The following KIAA1755 variants were observed in gnomAD, a reference collection of about 807,000 sequenced individuals.
The protein encoded by KIAA1755 is KIAA1755, also known as uncharacterized protein KIAA1755.
Under a neutral mutation model 91.7 loss-of-function variants are expected in KIAA1755, and 68 were observed. The observed-to-expected ratio is 0.74, with a 90% CI of 0.61 to 0.91. The LOEUF is 0.91. Among genes scored for constraint, KIAA1755 ranks in the 40% least tolerant of loss-of-function variants. The probability of loss-of-function intolerance (pLI) is 0.00; values close to 1 mark genes in which losing one functional copy is unlikely to be tolerated. For synonymous variants in KIAA1755, 610 were observed against 604.6 expected, an observed-to-expected ratio of 1.01 and a Z score of -0.13; for missense variants, 1,535 against 1,494.4, an observed-to-expected ratio of 1.03 and a Z score of -0.45.
intron 1 of KIAA1755, among the ~76,000 whole-genome samples, chr20:38,259,418 G>C (rs907597296): frequency 2.6e-5 from 4 of 151,764 alleles, no homozygotes; most frequent in African/African-American, 9.7e-5. Context: ...GTGTGAGTCA[G>C]TGGGAGCATT....
intron 4 of KIAA1755, among the ~76,000 whole-genome samples, chr20:38,239,325 A>C (rs543257184): frequency 1.3e-5 from 2 of 152,248 alleles, no homozygotes; most frequent in Non-Finnish European, 2.9e-5. Context: ...AGACAGATAG[A>C]TGGGTGGATG....
intron 13 of KIAA1755, among the ~76,000 whole-genome samples, chr20:38,215,077 G>A (rs999006125): frequency 3.9e-5 from 6 of 152,224 alleles, no homozygotes; most frequent in Non-Finnish European, 7.3e-5. Context: ...CAGGGGCTGA[G>A]CCTGGTGCTG....
rs552446819 is a variant in KIAA1755 at position 38,223,232 on chromosome 20, A to G, written c.2268+306T>C. ...CCTCCTCCCTCCCTCATTATTCCCAATCTTACTTCCACAGGACTTGACACA... is the reference window on the plus strand; with the variant it reads ...CCTCCTCCCTCCCTCATTATTCCCAGTCTTACTTCCACAGGACTTGACACA... On this transcript the variant is annotated intron_variant, in intron 9 of 13. Coordinates refer to ENST00000279024, the MANE Select transcript of KIAA1755 (RefSeq NM_001029864.2). 3.3e-5 allele frequency: 7 copies of G among 212,640 alleles called. No homozygotes were observed. The South Asian group carries it at 6.0e-4, about 18-fold the overall frequency. 13.2% of individuals were successfully genotyped at this position (212,640 alleles called of 1,614,324 possible).
At chr20:38,222,715 A>G (rs1403098591) in intron 9 of KIAA1755, 118 bp from the exon 10 acceptor site, 4 of 1,104,000 alleles carry the variant, frequency 3.6e-6, no homozygotes, top group Non-Finnish European at 5.3e-6. Flanking sequence ...GTCCTCCAGA[A>G]AGTCTGTCAT....
chr20:38,249,294 C>T (rs1351060607), intron 1 of KIAA1755, among the ~76,000 whole-genome samples: 1 of 152,148 alleles, frequency 6.6e-6, no homozygotes, highest in East Asian at 1.9e-4. Context: ...TTGCCCCAGC[C>T]TGGTTGCAAG....
rs80195061 is a variant in KIAA1755, at chr20:38,214,720, G to A, written c.2902-977C>T. ...GCCCGCAGGCCCCCTCCCTCCAGCC[G>A]AGCCTCTGCCTCATTTTGTGATTCT... On this transcript the variant is annotated intron_variant, in intron 13 of 13. Transcript: ENST00000279024. Among the ~76,000 whole-genome samples the A allele has an allele frequency of 9.3e-3, 1,411 of 152,248 alleles. 34 individuals carry two copies. Among genetic ancestry groups the A allele is most frequent in the African/African-American group, 0.032 (1,337 of 41,534 alleles).
intron 1 of KIAA1755, among the ~76,000 whole-genome samples, chr20:38,259,610 C>G (rs1048817304): frequency 6.6e-6 from 1 of 150,898 alleles, no homozygotes; most frequent in African/African-American, 2.4e-5. Context: ...TGAGTGAAAA[C>G]CCACACAAAT....
Position 38,213,197 on chromosome 20 carries a change from G to T in KIAA1755, c.3448C>A (p.Arg1150Ser). The T allele has an allele frequency of 6.2e-7, 1 of 1,613,568 alleles. No homozygotes were observed. The highest frequency in any genetic ancestry group is 8.5e-7 in the Non-Finnish European group (1 of 1,180,018). ...KGSHKLPDPA[R>S]EHLLATTFFR... The stretch of plus-strand genomic sequence containing the variant: ...AAGGTGGTGGCAAGCAAATGCTCGC[G>T]GGCAGGGTCAGGCAGCTTGTGGGAG... Residue 1150 changes from arginine (R) to serine (S), a missense_variant, in exon 14 of 14, where the codon CGC becomes AGC. By Grantham distance (110) the Arg-to-Ser change is moderately radical. Coordinates refer to ENST00000279024, the MANE Select transcript of KIAA1755 (RefSeq NM_001029864.2).
At chr20:38,246,159 C>G in intron 1 of KIAA1755, 33 bp from the exon 2 acceptor site, 1 of 1,572,734 alleles carries the variant, frequency 6.4e-7, no homozygotes, top group Non-Finnish European at 8.7e-7. Flanking sequence ...GTGATAATAG[C>G]AATGATAATA....
intron 5 of KIAA1755, among the ~76,000 whole-genome samples, 190 bp from the exon 6 acceptor site, chr20:38,228,430 G>C (rs1242437603): frequency 6.6e-6 from 1 of 152,190 alleles, no homozygotes; most frequent in Non-Finnish European, 1.5e-5. Context: ...AGAGCCTTTT[G>C]CTTCCTCTTT....
At chr20:38,227,868 C>T (rs1025034565) in intron 6 of KIAA1755, among the ~76,000 whole-genome samples, 1 of 152,224 alleles carries the variant, frequency 6.6e-6, no homozygotes, top group African/African-American at 2.4e-5. Context: ...CCAAAGAGAA[C>T]GGGGCCAGAA....
At chr20:38,233,068 C>A (rs2075898196) in intron 4 of KIAA1755, among the ~76,000 whole-genome samples, 2 of 152,016 alleles carry the variant, frequency 1.3e-5, no homozygotes. Flanking sequence ...GCTGCAAGAA[C>A]CATAATTGTT....
In KIAA1755 at chr20:38,231,201, C is replaced by G. The variant is rs528748800; in HGVS notation, c.1871+1G>C. 1.9e-6 allele frequency: 3 copies of G among 1,612,132 alleles called. No individual in the cohort carries two copies. In the East Asian group the frequency reaches 6.7e-5, roughly 36 times the overall value. The stretch of plus-strand genomic sequence containing the variant: ...GCAGTCAGGGTGGCCCAGATCCTTA[C>G]CTGGGGATGGTACACAGGTAGGACA... On this transcript the variant is annotated splice_donor_variant, in intron 5 of 13. Transcript: ENST00000279024. LOFTEE classifies it high-confidence loss of function.
chr20:38,225,728 C>A lies in KIAA1755; in HGVS notation c.2106G>T (p.Gln702His). 6.2e-7 allele frequency: 1 copy of A among 1,608,936 alleles called. No homozygotes were observed. The change falls in exon 8 of 14, where the codon CAG (glutamine) becomes CAT (histidine). Residue 702 changes from glutamine (Q) to histidine (H), a missense_variant. Coordinates refer to ENST00000279024, the MANE Select transcript of KIAA1755 (RefSeq NM_001029864.2). ...KALSHHVDPSQLPAVLEGPFP... is the reference protein window; with the variant it reads ...KALSHHVDPSHLPAVLEGPFP... Reference sequence around the variant, plus strand: ...AGGGGCCTTCCAGGACTGCGGGCAGCTGGCTGGGGTCCACATGGTGGCTGA... The same window carrying A: ...AGGGGCCTTCCAGGACTGCGGGCAGATGGCTGGGGTCCACATGGTGGCTGA...
chr20:38,232,383 T>G (rs888632769), intron 4 of KIAA1755, among the ~76,000 whole-genome samples: 24 of 152,118 alleles, frequency 1.6e-4, no homozygotes, highest in African/African-American at 5.8e-4. Flanking sequence ...TCCCAGCACT[T>G]TGGGAGGCTG....
chr20:38,217,541 G>A (rs905468752), intron 12 of KIAA1755, 67 bp from the exon 13 acceptor site: 14 of 1,134,378 alleles, frequency 1.2e-5, no homozygotes, highest in Non-Finnish European at 1.8e-5. Context: ...TCGGAGGTCA[G>A]CAACCTCCAG....
Position 38,212,316 on chromosome 20 carries a change from G to GC in KIAA1755, c.*725_*726insG, listed in dbSNP as rs1035678179. On this transcript the variant is annotated 3_prime_UTR_variant, in exon 14 of 14. Coordinates refer to ENST00000279024, the MANE Select transcript of KIAA1755 (RefSeq NM_001029864.2). ...TGAGACCCTGTCTCTGGTGGGGTCG[G>GC]GGGGGGTGGGCGGAAAAGGCAATCC... 2 of 152,010 alleles carry GC rather than the reference G, an allele frequency of 1.3e-5. No homozygotes were observed. Among genetic ancestry groups the GC allele is most frequent in the South Asian group, 2.1e-4 (1 of 4,794 alleles). 9.4% of individuals were successfully genotyped at this position (152,010 alleles called of 1,614,324 possible). A position where few individuals can be genotyped will look rare whatever the true frequency, so the allele number is the denominator to read the frequency against.
rs1009639050 is a variant in KIAA1755 at position 38,245,868 on chromosome 20, C to T, written c.201+61G>A. The T allele has an allele frequency of 3.2e-6, 5 of 1,544,618 alleles. No homozygotes were observed. In the African/African-American group the frequency reaches 5.4e-5, roughly 17 times the overall value. ...CCAGCCCACCTCCTTCTCTGCCCGCCTCTAGCCCCATGACTTTCTGGAACA... is the reference window on the plus strand; with the variant it reads ...CCAGCCCACCTCCTTCTCTGCCCGCTTCTAGCCCCATGACTTTCTGGAACA... On this transcript the variant is annotated intron_variant, in intron 2 of 13. Transcript: ENST00000279024.
At chr20:38,236,499 C>T (rs908536938) in intron 4 of KIAA1755, among the ~76,000 whole-genome samples, 1 of 152,082 alleles carries the variant, frequency 6.6e-6, no homozygotes, top group Non-Finnish European at 1.5e-5. Flanking sequence ...CCAGGATTTA[C>T]AGGTTGTGGA....
Sources: allele counts gnomAD v4.1 joint callset (sites outside exome capture counted in the v4.1 genomes callset), GRCh38; gene constraint gnomAD v4.1.1; transcripts MANE v1.5; gene names NCBI Gene and HGNC (gene_info 2026-07-23, HGNC 2026-07-21).